Variants in RALGAPA1 observed in about 807,000 individuals in gnomAD.
The protein encoded by RALGAPA1 is ral GTPase-activating protein subunit alpha-1.
Under a neutral mutation model 269.6 loss-of-function variants are expected in RALGAPA1, and 52 were observed. That is an observed-to-expected ratio of 0.19 (90% CI 0.15 to 0.24). The LOEUF (loss-of-function observed/expected upper bound fraction) is 0.24. RALGAPA1 is among the 10% of genes least tolerant of loss of function. The probability of loss-of-function intolerance (pLI) is 1.00; values close to 1 mark genes in which losing one functional copy is unlikely to be tolerated. For synonymous variants in RALGAPA1, 817 were observed against 1,008.3 expected, an observed-to-expected ratio of 0.81 and a Z score of 3.60; for missense variants, 1,917 against 3,013.9, an observed-to-expected ratio of 0.64 and a Z score of 8.52.
In RALGAPA1 at chr14:35,634,474, T is replaced by A. The variant is rs1594905545; in HGVS notation, c.5995+100A>T. The A allele has an allele frequency of 5.5e-6, 5 of 909,746 alleles. No homozygotes were observed. The East Asian group carries it at 1.4e-4, about 25-fold the overall frequency. The allele number at this position is 909,746 out of a possible 1,614,324, so 56.4% of individuals were successfully genotyped here. Reference sequence around the variant, plus strand: ...CATACATGGTTAAACAACTACAAAGTAAGACATACTCTCCTTCTCCAATAT... The same window carrying A: ...CATACATGGTTAAACAACTACAAAGAAAGACATACTCTCCTTCTCCAATAT... On this transcript the variant is annotated intron_variant, in intron 33 of 41. Transcript: ENST00000680220.
intron 10 of RALGAPA1, among the ~76,000 whole-genome samples, chr14:35,743,823 C>G (rs1000811295): frequency 1.3e-5 from 2 of 151,902 alleles, no homozygotes; most frequent in African/African-American, 4.8e-5. Flanking sequence ...TAATCAAGTT[C>G]TATAGTTTAA....
intron 35 of RALGAPA1, among the ~76,000 whole-genome samples, chr14:35,624,928 C>T (rs917350477): frequency 6.6e-6 from 1 of 151,998 alleles, no homozygotes; most frequent in Non-Finnish European, 1.5e-5. Context: ...CGGTGGCTCA[C>T]GCCTGTAATC....
intron 17 of RALGAPA1, among the ~76,000 whole-genome samples, chr14:35,690,326 C>T (rs898115092): frequency 6.6e-6 from 1 of 152,126 alleles, no homozygotes; most frequent in African/African-American, 2.4e-5. Context: ...AACTCAAATG[C>T]TATTAAATTT....
At chr14:35,786,808 G>T (rs546163025) in intron 1 of RALGAPA1, among the ~76,000 whole-genome samples, 1 of 152,174 alleles carries the variant, frequency 6.6e-6, no homozygotes, top group East Asian at 1.9e-4. Flanking sequence ...ATTCATGTCT[G>T]TGCTCTTATC....
At chr14:35,756,610 C>CAA in intron 7 of RALGAPA1, 183 bp downstream of exon 7, 1 of 384,684 alleles carries the variant, frequency 2.6e-6, no homozygotes, top group Non-Finnish European at 4.8e-6. Context: ...TGGTTGATTA[C>CAA]ACTTGTAAAA....
chr14:35,571,945 A>G (rs2057236020), intron 38 of RALGAPA1, among the ~76,000 whole-genome samples: 1 of 152,176 alleles, frequency 6.6e-6, no homozygotes, highest in Admixed American at 6.5e-5. Flanking sequence ...TGTCAAATGT[A>G]GGTTTTCTAG....
intron 16 of RALGAPA1, among the ~76,000 whole-genome samples, chr14:35,704,832 A>T (rs1323413620): frequency 6.6e-6 from 1 of 152,144 alleles, no homozygotes; most frequent in African/African-American, 2.4e-5. Context: ...TTCATAAAAG[A>T]GAAATGTAAA....
At chr14:35,707,140 C>A (rs900591589) in intron 16 of RALGAPA1, 1 of 152,018 alleles carries the variant, frequency 6.6e-6, no homozygotes, top group African/African-American at 2.4e-5. Context: ...TTTCACATTC[C>A]AGTTGTTCAT....
chr14:35,734,893 A>C (rs1047459876), intron 12 of RALGAPA1, among the ~76,000 whole-genome samples: 1 of 152,192 alleles, frequency 6.6e-6, no homozygotes, highest in Non-Finnish European at 1.5e-5. Flanking sequence ...TGGGCTAAGG[A>C]CATGAACAGA....
intron 11 of RALGAPA1, among the ~76,000 whole-genome samples, chr14:35,741,276 T>A (rs560606030): frequency 5.9e-5 from 9 of 152,200 alleles, no homozygotes; most frequent in Non-Finnish European, 1.2e-4. Context: ...CTCATAGGTT[T>A]ATTTTCCAGC....
chr14:35,797,997 C>T (rs2076702393), intron 1 of RALGAPA1, among the ~76,000 whole-genome samples: 1 of 148,192 alleles, frequency 6.7e-6, no homozygotes. Flanking sequence ...CTCAGCCTCT[C>T]AAGTAGCTGG....
intron 4 of RALGAPA1, among the ~76,000 whole-genome samples, 171 bp from the exon 5 acceptor site, chr14:35,762,924 A>C (rs1329071335): frequency 1.3e-5 from 2 of 152,232 alleles, no homozygotes; most frequent in Non-Finnish European, 2.9e-5. Flanking sequence ...ATATAAAAAG[A>C]ATCACCTTTT....
chr14:35,775,996 C>A (rs1023615288), intron 1 of RALGAPA1, among the ~76,000 whole-genome samples: 1 of 152,124 alleles, frequency 6.6e-6, no homozygotes, highest in Admixed American at 6.6e-5. Flanking sequence ...AATCATTAAT[C>A]ATACCAAAAA....
chr14:35,737,496 C>T (rs892273903), intron 12 of RALGAPA1, among the ~76,000 whole-genome samples: 2 of 151,840 alleles, frequency 1.3e-5, no homozygotes, highest in Non-Finnish European at 2.9e-5. Context: ...GTGGCTCATG[C>T]CTATAATCAC....
intron 39 of RALGAPA1, among the ~76,000 whole-genome samples, chr14:35,565,551 T>A (rs2056628031): frequency 6.6e-6 from 1 of 152,118 alleles, no homozygotes; most frequent in African/African-American, 2.4e-5. Flanking sequence ...GCCTTCAGAC[T>A]CAGACTGCAA....
intron 3 of RALGAPA1, among the ~76,000 whole-genome samples, chr14:35,774,024 C>T (rs538002941): frequency 4.7e-4 from 72 of 152,232 alleles, no homozygotes; most frequent in Middle Eastern, 3.4e-3. Context: ...AGGGATCCTC[C>T]CACCTCAGCC....
chr14:35,624,389 G>A (rs2060860256), intron 35 of RALGAPA1, among the ~76,000 whole-genome samples: 1 of 152,048 alleles, frequency 6.6e-6, no homozygotes, highest in African/African-American at 2.4e-5. Context: ...AAATTTGGTA[G>A]TAAAAGGAAT....
At chr14:35,668,655 T>C (rs928239945) in intron 26 of RALGAPA1, among the ~76,000 whole-genome samples, 13 of 152,104 alleles carry the variant, frequency 8.5e-5, no homozygotes, top group Middle Eastern at 3.4e-3. Context: ...TTACCAGATA[T>C]GGTGCCTGGG....
chr14:35,624,863 T>C (rs1347796440), intron 35 of RALGAPA1, among the ~76,000 whole-genome samples: 3 of 152,142 alleles, frequency 2.0e-5, no homozygotes, highest in Admixed American at 6.6e-5. Context: ...GTTAGTTTTC[T>C]GTGATTCAAA....
Sources: gnomAD v4.1 joint callset for allele counts (sites outside exome capture counted in the v4.1 genomes callset) on GRCh38, gnomAD v4.1.1 for gene constraint, MANE v1.5 for transcripts, NCBI Gene and HGNC (gene_info 2026-07-23, HGNC 2026-07-21) for gene names.